SGTB: variants seen among roughly 807,000 people sequenced by gnomAD.
SGTB encodes small glutamine rich tetratricopeptide repeat co-chaperone beta.
Under a neutral mutation model 43.9 loss-of-function variants are expected in SGTB, and 19 were observed. That is an observed-to-expected ratio of 0.43 (90% CI 0.30 to 0.63). The LOEUF (loss-of-function observed/expected upper bound fraction) is 0.63. Ranked by LOEUF, SGTB falls within the 30% of genes least tolerant of loss-of-function variation. The pLI, the probability that SGTB is intolerant of heterozygous loss-of-function variation, is 0.12. For synonymous variants in SGTB, 116 were observed against 117.3 expected (o/e 0.99, Z 0.07); for missense variants, 304 against 358.9 (o/e 0.85, Z 1.24).
At chr5:65,681,207 T>A (rs1757390044) in intron 6 of SGTB, among the ~76,000 whole-genome samples, 1 of 152,170 alleles carries the variant, frequency 6.6e-6, no homozygotes, top group South Asian at 2.1e-4. Context: ...TGCTTCAAAA[T>A]GGCCTACATG....
chr5:65,691,312 C>T (rs1189694695), intron 5 of SGTB, among the ~76,000 whole-genome samples: 1 of 152,146 alleles, frequency 6.6e-6, no homozygotes, highest in African/African-American at 2.4e-5. Context: ...CTGAAAAGGA[C>T]AGAGCTTCCT....
chr5:65,696,495 T>C lies in SGTB; in HGVS notation c.374+7784A>G, dbSNP rs192292697. On this transcript the variant is annotated intron_variant, in intron 5 of 10. Coordinates refer to ENST00000381007, the MANE Select transcript of SGTB (RefSeq NM_019072.3). ...GTTGTTGTTTTATGTACACAAGTGT[T>C]AATGTGAATGGCTGGTTGCTTCAGT... Among the ~76,000 whole-genome samples the C allele has an allele frequency of 4.3e-4, 66 of 152,334 alleles. 1 individual carries two copies. Among genetic ancestry groups the C allele is most frequent in the Admixed American group, 4.1e-3 (62 of 15,298 alleles).
chr5:65,696,337 G>A (rs1757714127), intron 5 of SGTB, among the ~76,000 whole-genome samples: 1 of 152,160 alleles, frequency 6.6e-6, no homozygotes, highest in Non-Finnish European at 1.5e-5. Context: ...AGCTGACTAT[G>A]GGTAAAGTAC....
intron 8 of SGTB, 94 bp from the exon 9 acceptor site, chr5:65,672,375 T>C (rs974810487): frequency 9.1e-6 from 13 of 1,432,446 alleles, no homozygotes; most frequent in Non-Finnish European, 1.1e-5. Flanking sequence ...AGCTAAATCA[T>C]GTATGCACTA....
intron 5 of SGTB, among the ~76,000 whole-genome samples, chr5:65,693,414 GGA>G (rs909834727): frequency 1.5e-5 from 2 of 133,848 alleles, no homozygotes; most frequent in African/African-American, 5.5e-5. Context: ...AAGGAAGGAA[GGA>G]GAGAGAGAGG....
intron 2 of SGTB, among the ~76,000 whole-genome samples, chr5:65,714,034 G>A (rs1758101232): frequency 6.6e-6 from 1 of 151,940 alleles, no homozygotes; most frequent in South Asian, 2.1e-4. Flanking sequence ...AGTACGGGTT[G>A]AGACCCCATC....
chr5:65,679,254 T>A (rs566568726), intron 8 of SGTB, among the ~76,000 whole-genome samples: 90 of 152,166 alleles, frequency 5.9e-4, no homozygotes, highest in Non-Finnish European at 1.1e-3. Flanking sequence ...CTCAACATCA[T>A]TGATCATTAG....
chr5:65,680,639 T>C lies in SGTB; in HGVS notation c.618+17A>G. On this transcript the variant is annotated intron_variant, in intron 7 of 10. Coordinates refer to ENST00000381007, the MANE Select transcript of SGTB (RefSeq NM_019072.3). Reference sequence around the variant, plus strand: ...AATGACAGAAAATACTTCACTCATTTGGCATTAACAACTTACAGGACTGGA... The same window carrying C: ...AATGACAGAAAATACTTCACTCATTCGGCATTAACAACTTACAGGACTGGA... 7 of 1,613,994 alleles carry C rather than the reference T, an allele frequency of 4.3e-6. No individual in the cohort carries two copies. The highest frequency in any genetic ancestry group is 5.9e-6 in the Non-Finnish European group (7 of 1,179,966).
intron 8 of SGTB, among the ~76,000 whole-genome samples, chr5:65,673,991 C>T (rs550287792): frequency 6.6e-6 from 1 of 152,150 alleles, no homozygotes. Flanking sequence ...ACTTCCAGTC[C>T]TCTTCCCTCA....
intron 5 of SGTB, among the ~76,000 whole-genome samples, chr5:65,692,349 T>C (rs977822096): frequency 3.3e-5 from 5 of 152,314 alleles, no homozygotes; most frequent in African/African-American, 1.2e-4. Context: ...AGATTACTTA[T>C]AAATTACAAA....
chr5:65,679,550 G>T (rs1312774566), intron 8 of SGTB, among the ~76,000 whole-genome samples: 1 of 152,164 alleles, frequency 6.6e-6, no homozygotes, highest in Non-Finnish European at 1.5e-5. Context: ...CCAGGAGGTG[G>T]AGGTTGCAGT....
chr5:65,700,453 G>T (rs968918742), intron 5 of SGTB, among the ~76,000 whole-genome samples: 1 of 152,012 alleles, frequency 6.6e-6, no homozygotes, highest in South Asian at 2.1e-4. Context: ...TGGATCACGA[G>T]GTCAGGAGAT....
At chr5:65,688,793 G>A (rs1403109426) in intron 5 of SGTB, among the ~76,000 whole-genome samples, 1 of 152,100 alleles carries the variant, frequency 6.6e-6, no homozygotes, top group Non-Finnish European at 1.5e-5. Context: ...CTACATTCAG[G>A]ATTTAATGTT....
intron 6 of SGTB, among the ~76,000 whole-genome samples, chr5:65,684,117 C>T (rs1288944914): frequency 6.6e-6 from 1 of 151,838 alleles, no homozygotes; most frequent in Admixed American, 6.6e-5. Flanking sequence ...CAGGGTCTCA[C>T]TCTGTCACTC....
intron 5 of SGTB, among the ~76,000 whole-genome samples, chr5:65,690,104 G>T (rs969285270): frequency 6.6e-6 from 1 of 151,746 alleles, no homozygotes; most frequent in South Asian, 2.1e-4. Context: ...CCAATAGAAG[G>T]GGGGGATGTG....
intron 2 of SGTB, among the ~76,000 whole-genome samples, chr5:65,718,483 A>G (rs1561169508): frequency 6.6e-6 from 1 of 152,192 alleles, no homozygotes; most frequent in Non-Finnish European, 1.5e-5. Context: ...GAGTAGTGCT[A>G]GAGAGAGTGA....
chr5:65,681,033 G>A (rs1244810148), intron 6 of SGTB, among the ~76,000 whole-genome samples: 2 of 152,038 alleles, frequency 1.3e-5, no homozygotes, highest in Non-Finnish European at 2.9e-5. Flanking sequence ...TGAATTTAAT[G>A]CTTAGAGATT....
intron 5 of SGTB, among the ~76,000 whole-genome samples, chr5:65,689,164 A>G (rs1268919748): frequency 6.6e-6 from 1 of 152,224 alleles, no homozygotes; most frequent in Admixed American, 6.5e-5. Flanking sequence ...ATGCATATTC[A>G]TGCCTTCCCA....
At chr5:65,714,438 T>G (rs1330395819) in intron 2 of SGTB, among the ~76,000 whole-genome samples, 2 of 152,224 alleles carry the variant, frequency 1.3e-5, no homozygotes, top group Non-Finnish European at 2.9e-5. Flanking sequence ...CCTTGTCTAT[T>G]TTTATTGTAT....
Sources: allele counts gnomAD v4.1 joint callset (sites outside exome capture counted in the v4.1 genomes callset), GRCh38; gene constraint gnomAD v4.1.1; transcripts MANE v1.5; gene names NCBI Gene and HGNC (gene_info 2026-07-23, HGNC 2026-07-21).